The following TMPRSS11E variants were observed in gnomAD, a reference collection of about 807,000 sequenced individuals.
TMPRSS11E encodes the protein transmembrane serine protease 11E, also known as transmembrane protease serine 11E.
Under a neutral mutation model 48.1 loss-of-function variants are expected in TMPRSS11E, and 38 were observed. The observed-to-expected ratio is 0.79, with a 90% CI of 0.61 to 1.04. The LOEUF (loss-of-function observed/expected upper bound fraction) is 1.04, where lower values mean the gene tolerates loss of function less well. Among genes scored for constraint, TMPRSS11E ranks in the 50% least tolerant of loss-of-function variants. The pLI, the probability that TMPRSS11E is intolerant of heterozygous loss-of-function variation, is 0.00. For missense variants in TMPRSS11E, 530 were observed against 510.8 expected (o/e 1.04, Z -0.36); for synonymous variants, 158 against 171.9 (o/e 0.92, Z 0.63).
chr4:68,471,810 C>T (rs2109689527), intron 5 of TMPRSS11E, among the ~76,000 whole-genome samples, 187 bp downstream of exon 5: 1 of 151,900 alleles, frequency 6.6e-6, no homozygotes, highest in South Asian at 2.1e-4. Flanking sequence ...AAACTTAGGC[C>T]TCCCATGCAA....
chr4:68,453,658 C>T (rs1728554170), intron 1 of TMPRSS11E, among the ~76,000 whole-genome samples: 1 of 151,864 alleles, frequency 6.6e-6, no homozygotes, highest in Non-Finnish European at 1.5e-5. Flanking sequence ...GTGAAAGTGG[C>T]AATTTCCCTT....
intron 9 of TMPRSS11E, among the ~76,000 whole-genome samples, chr4:68,492,950 T>C (rs1237624258): frequency 1.3e-5 from 2 of 152,174 alleles, no homozygotes; most frequent in Admixed American, 6.5e-5. Context: ...CCTACTTGCC[T>C]CCAACTTTCC....
At chr4:68,448,690 A>T (rs935475840) in intron 1 of TMPRSS11E, among the ~76,000 whole-genome samples, 1 of 151,874 alleles carries the variant, frequency 6.6e-6, no homozygotes. Context: ...GAAGCAAAAG[A>T]TGTGACTATT....
chr4:68,480,622 C>T (rs771915131), intron 9 of TMPRSS11E, among the ~76,000 whole-genome samples: 4 of 151,996 alleles, frequency 2.6e-5, no homozygotes, highest in African/African-American at 4.8e-5. Flanking sequence ...TTTGTGTTAT[C>T]TCAGTGTTGG....
chr4:68,483,382 T>C (rs2603172), intron 9 of TMPRSS11E, among the ~76,000 whole-genome samples: 100,568 of 152,074 alleles, frequency 0.66, 33,639 homozygotes, highest in East Asian at 0.87. Context: ...CCAGCCTCAC[T>C]TCCAGCAATG....
At chr4:68,472,264 G>T (rs978800241) in intron 5 of TMPRSS11E, among the ~76,000 whole-genome samples, 1 of 151,678 alleles carries the variant, frequency 6.6e-6, no homozygotes, top group Admixed American at 6.6e-5. Flanking sequence ...GAACAATGAA[G>T]GTCTATAGAA....
intron 4 of TMPRSS11E, 26 bp from the exon 5 acceptor site, chr4:68,471,434 T>A (rs1560552463): frequency 7.4e-7 from 1 of 1,347,536 alleles, no homozygotes; most frequent in South Asian, 2.4e-5. Context: ...TTTCTTTCTT[T>A]CATTTTCTTC....
chr4:68,477,712 A>G (rs1440699643), intron 8 of TMPRSS11E, 84 bp downstream of exon 8: 2 of 1,520,330 alleles, frequency 1.3e-6, no homozygotes, highest in African/African-American at 2.7e-5. Context: ...ATGCCAAAAT[A>G]TGTTAGTTGT....
chr4:68,479,070 T>A lies in TMPRSS11E; in HGVS notation c.1110+79T>A, dbSNP rs750413020. The A allele has an allele frequency of 1.9e-6, 3 of 1,557,004 alleles. No homozygotes were observed. In the East Asian group the frequency reaches 6.7e-5, roughly 35 times the overall value. ...GAAATAATTATATATCTACAGGAAGTTGCAAAGATAGTACAGAGGAGTCAC... is the reference window on the plus strand; with the variant it reads ...GAAATAATTATATATCTACAGGAAGATGCAAAGATAGTACAGAGGAGTCAC... On this transcript the variant is annotated intron_variant, in intron 9 of 9. Transcript: ENST00000305363.
At chr4:68,448,003 A>C (rs1728389036) in intron 1 of TMPRSS11E, among the ~76,000 whole-genome samples, 1 of 152,034 alleles carries the variant, frequency 6.6e-6, no homozygotes, top group South Asian at 2.1e-4. Flanking sequence ...AAACAACTGA[A>C]GAAAATAATA....
At chr4:68,458,094 A>G (rs982461800) in intron 1 of TMPRSS11E, among the ~76,000 whole-genome samples, 1 of 152,132 alleles carries the variant, frequency 6.6e-6, no homozygotes, top group Admixed American at 6.6e-5. Flanking sequence ...TTCTTTTTTT[A>G]AAAGACCAAC....
At chr4:68,484,122 CT>C (rs555805557) in intron 9 of TMPRSS11E, among the ~76,000 whole-genome samples, 69 of 152,044 alleles carry the variant, frequency 4.5e-4, no homozygotes, top group Non-Finnish European at 9.3e-4. Flanking sequence ...TATTAAGGCT[CT>C]TTTTTGGTTC....
chr4:68,491,038 T>C (rs1176359279), intron 9 of TMPRSS11E, among the ~76,000 whole-genome samples: 2 of 151,806 alleles, frequency 1.3e-5, no homozygotes, highest in Non-Finnish European at 2.9e-5. Flanking sequence ...GGATTACGAG[T>C]GTGAGCCACT....
At chr4:68,468,779 G>T (rs1178231834) in intron 3 of TMPRSS11E, 100 bp from the exon 4 acceptor site, 5 of 896,328 alleles carry the variant, frequency 5.6e-6, no homozygotes, top group Admixed American at 3.8e-5. Context: ...AATGTTTTTT[G>T]CTCTGTTTTG....
chr4:68,480,003 C>T (rs1729359145), intron 9 of TMPRSS11E, among the ~76,000 whole-genome samples: 2 of 152,046 alleles, frequency 1.3e-5, no homozygotes, highest in African/African-American at 4.8e-5. Flanking sequence ...AAGGAATTTG[C>T]TGCTATTAGA....
rs144250480 is a variant in TMPRSS11E, at chr4:68,466,498, G to A, written c.137-133G>A. 2,430 of 807,270 alleles carry A rather than the reference G, an allele frequency of 3.0e-3. 4 individuals carry two copies. Among genetic ancestry groups the A allele is most frequent in the Middle Eastern group, 4.6e-3 (17 of 3,730 alleles). The allele number at this position is 807,270 out of a possible 1,614,324, so 50.0% of individuals were successfully genotyped here. ...GAGATAACTATGAGGCCTGGGGCAG[G>A]ATGATGATGATGACCTGTGCTAAGA... is the stretch of plus-strand genomic sequence containing the variant. On this transcript the variant is annotated intron_variant, in intron 2 of 9. Transcript: ENST00000305363.
chr4:68,495,266 T>C (rs1268278899), intron 9 of TMPRSS11E, among the ~76,000 whole-genome samples: 9 of 152,162 alleles, frequency 5.9e-5, no homozygotes, highest in African/African-American at 1.4e-4. Flanking sequence ...ATTTATATTA[T>C]TTACTATTTG....
intron 9 of TMPRSS11E, among the ~76,000 whole-genome samples, chr4:68,487,197 G>A (rs936468128): frequency 6.6e-6 from 1 of 151,548 alleles, no homozygotes; most frequent in Non-Finnish European, 1.5e-5. Flanking sequence ...AGGCTTGATT[G>A]TATAGTTGCA....
At chr4:68,491,372 G>A (rs557835617) in intron 9 of TMPRSS11E, among the ~76,000 whole-genome samples, 1 of 146,840 alleles carries the variant, frequency 6.8e-6, no homozygotes, top group Admixed American at 6.9e-5. Context: ...GCATTTCTGA[G>A]CCCACCTGTC....
Sources: allele counts gnomAD v4.1 joint callset (sites outside exome capture counted in the v4.1 genomes callset), GRCh38; gene constraint gnomAD v4.1.1; transcripts MANE v1.5; gene names NCBI Gene and HGNC (gene_info 2026-07-23, HGNC 2026-07-21).